NOB1: variants seen among roughly 807,000 people sequenced by gnomAD.
NOB1 encodes the protein NIN1 (RPN12) binding protein 1 homolog.
In NOB1, 44 loss-of-function variants were observed where a neutral mutation model predicts 44.8. That is an observed-to-expected ratio of 0.98 (90% confidence interval 0.77 to 1.26). NOB1 has a LOEUF of 1.26. Ranked by LOEUF, NOB1 falls within the 50% of genes most tolerant of loss-of-function variation. The pLI is 0.00. For synonymous variants in NOB1, 238 were observed against 218.7 expected, an observed-to-expected ratio of 1.09 and a Z score of -0.78; for missense variants, 560 against 544.8, an observed-to-expected ratio of 1.03 and a Z score of -0.28.
At position 69,748,750 on chromosome 16, in the gene NOB1, C is replaced by T. The variant is rs118190723; in HGVS notation, c.726+168G>A. The T allele has an allele frequency of 4.0e-3, 2,418 of 603,814 alleles. 15 individuals carry two copies. Among genetic ancestry groups the T allele is most frequent in the Non-Finnish European group, 5.9e-3 (2,067 of 347,794 alleles). The allele number at this position is 603,814 out of a possible 1,614,324, so 37.4% of individuals were successfully genotyped here. On this transcript the variant is annotated intron_variant, in intron 6 of 8. Coordinates refer to ENST00000268802, the MANE Select transcript of NOB1 (RefSeq NM_014062.3). ...CTATACAAATGTTGTCATTATATGA[C>T]GATTGTCTAGCCTCTAAGCAAAATT...
intron 8 of NOB1, among the ~76,000 whole-genome samples, chr16:69,743,159 T>G (rs1360376841): frequency 6.6e-6 from 1 of 152,094 alleles, no homozygotes; most frequent in Non-Finnish European, 1.5e-5. Context: ...AGGCTCAAAA[T>G]GACAGTGATA....
At chr16:69,750,005 T>G (rs2038469771) in intron 3 of NOB1, among the ~76,000 whole-genome samples, 2 of 149,340 alleles carry the variant, frequency 1.3e-5, no homozygotes, top group Admixed American at 1.3e-4. Flanking sequence ...ACCCAATTTT[T>G]TTTTTTTTTT....
chr16:69,749,346 TAAAA>T lies in NOB1; in HGVS notation c.400-12_400-9del, dbSNP rs1240002559. On this transcript the variant is annotated splice_polypyrimidine_tract_variant and intron_variant, in intron 4 of 8. Transcript: ENST00000268802. ...TTCTTGTGGGGGTTTAGGCTGAAAT[TAAAA>T]GAAACAATTTTAAAACCTGAAAATT... 6.3e-7 allele frequency: 1 copy of T among 1,579,550 alleles called. No homozygotes were observed. Among genetic ancestry groups the T allele is most frequent in the Non-Finnish European group, 8.5e-7 (1 of 1,169,810 alleles).
Position 69,749,529 on chromosome 16 carries a change from A to G in NOB1, c.399+30T>C, listed in dbSNP as rs377513286. 3.1e-6 allele frequency: 5 copies of G among 1,597,328 alleles called. No individual in the cohort carries two copies. In the African/African-American group the frequency reaches 6.7e-5, roughly 22 times the overall value. On this transcript the variant is annotated intron_variant, in intron 4 of 8. Transcript: ENST00000268802. The stretch of plus-strand genomic sequence containing the variant: ...GATGTGACATGTTTCAGAAAAGAGC[A>G]TGAACGGCCTGGCTTGTCTAAGAAA...
chr16:69,754,617 G>A lies in NOB1; in HGVS notation c.173C>T (p.Pro58Leu). ...VLPYELRFKE[P>L]LPEYVRLVTE... is the part of the protein sequence containing the mutation. The stretch of plus-strand genomic sequence containing the variant: ...ACCCAGCCGCACGTATTCCGGTAAG[G>A]GCTCCTTGAACCGCAGCTCGTAGGG... The change falls in exon 2 of 9, where the codon CCC becomes CTC. Residue 58 changes from proline (P) to leucine (L), a missense_variant. Transcript: ENST00000268802. The A allele has an allele frequency of 2.5e-6, 4 of 1,614,138 alleles. No homozygotes were observed. Among genetic ancestry groups the A allele is most frequent in the Non-Finnish European group, 3.4e-6 (4 of 1,180,038 alleles).
intron 3 of NOB1, among the ~76,000 whole-genome samples, chr16:69,751,454 C>A (rs181039464): frequency 6.6e-6 from 1 of 151,834 alleles, no homozygotes; most frequent in Non-Finnish European, 1.5e-5. Context: ...TCACTTGAGC[C>A]CAGGAGTTCT....
At chr16:69,749,909 C>T (rs2038468370) in intron 3 of NOB1, among the ~76,000 whole-genome samples, 1 of 148,792 alleles carries the variant, frequency 6.7e-6, no homozygotes, top group South Asian at 2.1e-4. Context: ...AACCGGGAGG[C>T]GGAGGTTGCA....
chr16:69,743,464 G>C (rs930648511), intron 8 of NOB1, among the ~76,000 whole-genome samples: 1 of 152,180 alleles, frequency 6.6e-6, no homozygotes, highest in African/African-American at 2.4e-5. Context: ...AGTGATTGAA[G>C]TTAGTATCAC....
chr16:69,750,177 T>C (rs2038471329), intron 3 of NOB1, among the ~76,000 whole-genome samples: 1 of 151,686 alleles, frequency 6.6e-6, no homozygotes, highest in Non-Finnish European at 1.5e-5. Flanking sequence ...CTGATTTTTG[T>C]ATTTTTTAGT....
rs1370315314 is a variant in NOB1, at chr16:69,754,897, T to C, written c.14A>G (p.Glu5Gly). ...AGCCCCAGCATCCGCCACAACGTGC[T>C]CCACTGGAGCCATGTTGGCTGCGTG... is the stretch of plus-strand genomic sequence containing the variant. MAPV[E>G]HVVADAGAFL... Residue 5 changes from glutamate (E) to glycine (G), a missense_variant, in exon 1 of 9, where the codon GAG becomes GGG. Physicochemically the swap from Glu to Gly is moderately conservative, Grantham distance 98. Transcript: ENST00000268802. 17 of 1,590,396 alleles carry C rather than the reference T, an allele frequency of 1.1e-5. No homozygotes were observed. Among genetic ancestry groups the C allele is most frequent in the Non-Finnish European group, 1.5e-5 (17 of 1,169,624 alleles).
intron 4 of NOB1, 75 bp downstream of exon 4, chr16:69,749,484 G>A: frequency 6.5e-7 from 1 of 1,542,226 alleles, no homozygotes; most frequent in East Asian, 2.2e-5. Context: ...TTAGTTCACT[G>A]TGAAGAGATG....
rs1324095234 is a variant in NOB1 at position 69,749,303 on chromosome 16, T to C, written c.435A>G (p.Ser145=). ...ATTCCAGGTTCTCAGGCTCACAAGC[T>C]GAGTGTCCTTTTTCTGTTTCTTGTG... The part of the protein sequence containing the change: ...KPPQETEKGH[S]ACEPENLEFS... The change falls in exon 5 of 9, where the codon TCA becomes TCG. Residue 145 remains serine, a synonymous_variant. Transcript: ENST00000268802. 7 of 1,605,812 alleles carry C rather than the reference T, an allele frequency of 4.4e-6. No individual in the cohort carries two copies. The Admixed American group carries it at 5.2e-5, about 12-fold the overall frequency.
chr16:69,752,895 A>G (rs943445913), intron 2 of NOB1, among the ~76,000 whole-genome samples: 3 of 152,060 alleles, frequency 2.0e-5, no homozygotes, highest in Non-Finnish European at 4.4e-5. Context: ...AGATTGCGCC[A>G]CTGCACTCCA....
chr16:69,749,093 C>A lies in NOB1; in HGVS notation c.551G>T (p.Ser184Ile). ...LLIDRGEDVPSEEEEEEENGF... is the reference protein window; with the variant it reads ...LLIDRGEDVPIEEEEEEENGF... ...GTTTTCTTCCTCCTCCTCCTCCTCA[C>A]TTGGAACGTCCTCACCTCTGTCAAT... is the stretch of plus-strand genomic sequence containing the variant. Residue 184 changes from serine to isoleucine, a missense_variant, in exon 6 of 9, where the codon AGT becomes ATT. By Grantham distance (142) the Ser-to-Ile change is moderately radical (BLOSUM62 -2). Coordinates refer to ENST00000268802, the MANE Select transcript of NOB1 (RefSeq NM_014062.3). 1 of 1,614,246 alleles carries A rather than the reference C, an allele frequency of 6.2e-7. No individual in the cohort carries two copies. The highest frequency in any genetic ancestry group is 8.5e-7 in the Non-Finnish European group (1 of 1,180,048).
At chr16:69,743,154 C>G (rs1381038527) in intron 8 of NOB1, among the ~76,000 whole-genome samples, 1 of 152,054 alleles carries the variant, frequency 6.6e-6, no homozygotes, top group Non-Finnish European at 1.5e-5. Context: ...ACGCGAGGCT[C>G]AAAATGACAG....
chr16:69,749,468 G>A (rs771147085), intron 4 of NOB1, 91 bp downstream of exon 4: 20 of 1,525,376 alleles, frequency 1.3e-5, no homozygotes, highest in Admixed American at 3.7e-5. Context: ...ATTGGTCCGC[G>A]TAAATTTAGT....
intron 8 of NOB1, among the ~76,000 whole-genome samples, chr16:69,743,282 G>A (rs2038400348): frequency 6.6e-6 from 1 of 152,108 alleles, no homozygotes; most frequent in Non-Finnish European, 1.5e-5. Context: ...TCATAAACAT[G>A]GAAGGAATGA....
intron 8 of NOB1, among the ~76,000 whole-genome samples, chr16:69,743,201 A>G (rs1280403340): frequency 1.3e-5 from 2 of 152,214 alleles, no homozygotes; most frequent in Non-Finnish European, 2.9e-5. Context: ...ACAGAAATCC[A>G]CAAGACCACA....
At chr16:69,748,408 A>G in intron 6 of NOB1, 79 bp from the exon 7 acceptor site, 1 of 1,327,436 alleles carries the variant, frequency 7.5e-7, no homozygotes, top group Non-Finnish European at 1.1e-6. Context: ...AACTTCACAA[A>G]CCCTGCCTTG....
Sources: allele counts gnomAD v4.1 joint callset (sites outside exome capture counted in the v4.1 genomes callset), GRCh38; gene constraint gnomAD v4.1.1; transcripts MANE v1.5; gene names NCBI Gene and HGNC (gene_info 2026-07-23, HGNC 2026-07-21).